TMPRSS9: variants seen among roughly 807,000 people sequenced by gnomAD.
TMPRSS9 encodes the protein transmembrane serine protease 9, also known as transmembrane protease serine 9.
In TMPRSS9, 113 loss-of-function variants were observed where a neutral mutation model predicts 111.4. The ratio of observed to expected loss-of-function variants is 1.01; its 90% CI spans 0.87 to 1.19. The LOEUF is 1.19. Ranked by LOEUF, TMPRSS9 falls within the 50% of genes most tolerant of loss-of-function variation. The pLI is 0.00. For synonymous variants in TMPRSS9, 805 were observed against 659.1 expected, an observed-to-expected ratio of 1.22 and a Z score of -3.39; for missense variants, 1,803 against 1,513.1, an observed-to-expected ratio of 1.19 and a Z score of -3.18.
exon 1 of TMPRSS9, chr19:2,389,820 C>T (rs1374690510): frequency 1.9e-6 from 3 of 1,613,944 alleles, no homozygotes; most frequent in Non-Finnish European, 1.7e-6. Context: ...CACCTCGTGC[C>T]CAGGACAACC....
At chr19:2,376,957 G>A in intron 1 of TMPRSS9, among the ~76,000 whole-genome samples, 1 of 152,032 alleles carries the variant, frequency 6.6e-6, no homozygotes, top group East Asian at 1.9e-4. Flanking sequence ...CGCCGGGGCA[G>A]AGGCACACCA....
chr19:2,377,717 CTCTT>C (rs749873477), intron 1 of TMPRSS9, among the ~76,000 whole-genome samples: 154 of 35,338 alleles, frequency 4.4e-3, no homozygotes, highest in South Asian at 9.6e-3. Context: ...CTCTCTCTCT[CTCTT>C]TATTTTTTTC....
intron 1 of TMPRSS9, among the ~76,000 whole-genome samples, chr19:2,391,588 CTA>C (rs958341623): frequency 2.4e-5 from 3 of 123,634 alleles, no homozygotes; most frequent in African/African-American, 5.6e-5. Flanking sequence ...GCGTGTGTAT[CTA>C]TGTGTGCATG....
At chr19:2,415,103 C>T (rs1379019835) in intron 10 of TMPRSS9, among the ~76,000 whole-genome samples, 3 of 151,772 alleles carry the variant, frequency 2.0e-5, no homozygotes, top group African/African-American at 7.3e-5. Context: ...CATCACCATG[C>T]TTGGCTAATT....
exon 13 of TMPRSS9, chr19:2,418,043 A>G (rs1971291524): frequency 1.2e-6 from 2 of 1,612,358 alleles, no homozygotes; most frequent in East Asian, 2.2e-5. Context: ...CGTGGGCATC[A>G]TAGACCAGAA....
intron 13 of TMPRSS9, among the ~76,000 whole-genome samples, chr19:2,419,291 C>T (rs1971410047): frequency 6.7e-6 from 1 of 150,118 alleles, no homozygotes; most frequent in African/African-American, 2.5e-5. Context: ...GCAACCTCCG[C>T]CTCCCAGGTT....
intron 6 of TMPRSS9, among the ~76,000 whole-genome samples, chr19:2,404,209 A>G (rs1970919319): frequency 6.6e-6 from 1 of 152,090 alleles, no homozygotes; most frequent in Non-Finnish European, 1.5e-5. Flanking sequence ...CAATGTTTCT[A>G]TAAAAATACT....
At chr19:2,393,065 A>G (rs549256858) in intron 1 of TMPRSS9, among the ~76,000 whole-genome samples, 4 of 152,242 alleles carry the variant, frequency 2.6e-5, no homozygotes, top group South Asian at 2.1e-4. Context: ...AAATGGACCA[A>G]TCAGCGCTCT....
chr19:2,372,075 T>C (rs1033279558), intron 1 of TMPRSS9, among the ~76,000 whole-genome samples: 1 of 152,190 alleles, frequency 6.6e-6, no homozygotes, highest in African/African-American at 2.4e-5. Flanking sequence ...CAGGCTGGTC[T>C]CAAACTCTTG....
At chr19:2,424,457 C>A (rs1269428180) in intron 15 of TMPRSS9, among the ~76,000 whole-genome samples, 200 bp downstream of exon 16, 1 of 151,496 alleles carries the variant, frequency 6.6e-6, no homozygotes, top group African/African-American at 2.4e-5. Flanking sequence ...CCACCCACCC[C>A]CTAGCCTGAC....
rs760499376 is a variant in TMPRSS9 at position 2,425,029 on chromosome 19, C to T, written c.2745C>T (p.Ala915=). 4.5e-6 allele frequency: 7 copies of T among 1,547,350 alleles called. No individual in the cohort carries two copies. In the African/African-American group the frequency reaches 6.9e-5, roughly 15 times the overall value. ...ACGGGGACCCCAAGCAGTGGGCGGC[C>T]TTCCTAGGCACGCCGTTCCTGAGCG... The change falls in exon 16 of 18, where the codon GCC becomes GCT. Residue 915 remains alanine, a synonymous_variant. Transcript: ENST00000648592.
chr19:2,413,825 G>T (rs778011417), exon 10 of TMPRSS9: 1 of 1,613,764 alleles, frequency 6.2e-7, no homozygotes, highest in East Asian at 2.2e-5. Flanking sequence ...GAGTCACCAG[G>T]CTACGTGACT....
At chr19:2,403,574 T>C (rs1970901980) in intron 6 of TMPRSS9, among the ~76,000 whole-genome samples, 1 of 151,702 alleles carries the variant, frequency 6.6e-6, no homozygotes, top group African/African-American at 2.4e-5. Flanking sequence ...CGTAAGAGAT[T>C]AGCAGGGTGC....
At chr19:2,418,624 TTCCC>T (rs1378187419) in intron 13 of TMPRSS9, among the ~76,000 whole-genome samples, 15 of 4,614 alleles carry the variant, frequency 3.3e-3, no homozygotes, top group East Asian at 0.011. Context: ...CTCCGTTTCC[TTCCC>T]TCCCTCCCTC....
At chr19:2,362,898 GT>G (rs1358373691) in intron 1 of TMPRSS9, among the ~76,000 whole-genome samples, 1 of 151,702 alleles carries the variant, frequency 6.6e-6, no homozygotes, top group Non-Finnish European at 1.5e-5. Context: ...GTTTGGTTGT[GT>G]GAGGTTGTGT....
At chr19:2,424,554 G>A (rs1971557312) in intron 15 of TMPRSS9, among the ~76,000 whole-genome samples, 1 of 146,766 alleles carries the variant, frequency 6.8e-6, no homozygotes, top group African/African-American at 2.7e-5. Context: ...TCCAGCTCCA[G>A]GCTAAGCCCA....
chr19:2,363,172 C>T (rs1024764725), intron 1 of TMPRSS9, among the ~76,000 whole-genome samples: 3 of 152,296 alleles, frequency 2.0e-5, no homozygotes, highest in South Asian at 2.1e-4. Flanking sequence ...GCCCACTGCG[C>T]GCTGGGTCCC....
chr19:2,374,034 T>C (rs1003792004), intron 1 of TMPRSS9, among the ~76,000 whole-genome samples: 1 of 152,110 alleles, frequency 6.6e-6, no homozygotes, highest in Non-Finnish European at 1.5e-5. Context: ...CTTGAGGAGT[T>C]GAGAGGAGTC....
intron 1 of TMPRSS9, among the ~76,000 whole-genome samples, chr19:2,376,309 A>G (rs1170067816): frequency 6.6e-6 from 1 of 152,104 alleles, no homozygotes; most frequent in Non-Finnish European, 1.5e-5. Context: ...CCAGATCATC[A>G]GGATTATCTC....
Sources: allele counts gnomAD v4.1 joint callset (sites outside exome capture counted in the v4.1 genomes callset), GRCh38; gene constraint gnomAD v4.1.1; transcripts MANE v1.5; gene names NCBI Gene and HGNC (gene_info 2026-07-23, HGNC 2026-07-21).